The following VCL variants were observed in gnomAD, a reference collection of about 807,000 sequenced individuals.
VCL encodes vinculin, also known as epididymis luminal protein 114.
VCL carries 47 observed loss-of-function variants against 125.7 expected under a neutral mutation model. The ratio of observed to expected loss-of-function variants is 0.37; its 90% CI spans 0.30 to 0.48. The LOEUF is 0.48. Among genes scored for constraint, VCL ranks in the 20% least tolerant of loss-of-function variants. The pLI, the probability that VCL is intolerant of heterozygous loss-of-function variation, is 0.99. For synonymous variants in VCL, 458 were observed against 514.6 expected, an observed-to-expected ratio of 0.89 and a Z score of 1.49; for missense variants, 1,069 against 1,455.5, an observed-to-expected ratio of 0.73 and a Z score of 4.32.
In VCL at chr10:74,112,044, C is replaced by G. The variant is rs1316850168; in HGVS notation, c.2881C>G (p.Pro961Ala). 2 of 1,614,222 alleles carry G rather than the reference C, an allele frequency of 1.2e-6. No homozygotes were observed. The highest frequency in any genetic ancestry group is 2.2e-5 in the South Asian group (2 of 91,084). ...PELLLMPSNQ[P>A]VNQPILAAAQ... ...GCTGCTGTTAATGCCATCCAATCAG[C>G]CGGTCAACCAGCCCATTCTGGCCGC... The change falls in exon 19 of 22, where the codon CCG becomes GCG. Residue 961 changes from proline to alanine, a missense_variant. Physicochemically the swap from Pro to Ala is conservative, Grantham distance 27 (BLOSUM62 -1). Around this residue, in one of 6 missense-constraint regions of VCL, gnomAD observed 86 missense variants for 91.0 expected, o/e 0.95. Transcript: ENST00000211998.
intron 11 of VCL, among the ~76,000 whole-genome samples, chr10:74,095,402 G>C (rs1839951835): frequency 6.6e-6 from 1 of 152,094 alleles, no homozygotes; most frequent in Non-Finnish European, 1.5e-5. Context: ...ACCAGCCTGG[G>C]CAACATAGTG....
At chr10:74,014,400 T>A (rs1293521235) in intron 1 of VCL, among the ~76,000 whole-genome samples, 1 of 151,706 alleles carries the variant, frequency 6.6e-6, no homozygotes, top group Non-Finnish European at 1.5e-5. Flanking sequence ...CCTGGCTAAT[T>A]TTTTTTGTAT....
At chr10:74,075,505 G>C (rs186216538) in intron 6 of VCL, 1 of 154,032 alleles carries the variant, frequency 6.5e-6, no homozygotes, top group East Asian at 1.9e-4. Flanking sequence ...ATTCCTTCTA[G>C]AGCCTGTTAG....
chr10:74,052,592 G>A (rs1841322745), intron 2 of VCL, among the ~76,000 whole-genome samples: 2 of 151,972 alleles, frequency 1.3e-5, no homozygotes, highest in Non-Finnish European at 2.9e-5. Flanking sequence ...GCCCAGGGTG[G>A]TCTCAAACTC....
chr10:74,009,008 G>C (rs1321771922), intron 1 of VCL, among the ~76,000 whole-genome samples: 1 of 151,930 alleles, frequency 6.6e-6, no homozygotes, highest in African/African-American at 2.4e-5. Context: ...GTTAGCTTTT[G>C]GGGGGGAAAA....
At chr10:74,063,763 G>A (rs1471841092) in intron 2 of VCL, 1 of 152,182 alleles carries the variant, frequency 6.6e-6, no homozygotes, top group Admixed American at 6.5e-5. Flanking sequence ...AAATACAAGA[G>A]GGAATGATGA....
intron 6 of VCL, among the ~76,000 whole-genome samples, chr10:74,078,342 A>C (rs887081353): frequency 6.6e-6 from 1 of 152,168 alleles, no homozygotes; most frequent in Non-Finnish European, 1.5e-5. Flanking sequence ...AAGGCAGGAA[A>C]TGTTGGTTAG....
intron 2 of VCL, among the ~76,000 whole-genome samples, chr10:74,049,238 GTTA>G (rs1841253676): frequency 1.3e-5 from 2 of 151,860 alleles, no homozygotes; most frequent in Admixed American, 1.3e-4. Context: ...TAATATGCTT[GTTA>G]TTATGTTTTC....
intron 11 of VCL, among the ~76,000 whole-genome samples, chr10:74,095,350 G>C (rs890386524): frequency 6.6e-6 from 1 of 152,142 alleles, no homozygotes; most frequent in Non-Finnish European, 1.5e-5. Context: ...CAGCACTTTG[G>C]GAGGCCGAGG....
In VCL at chr10:74,083,180, G is replaced by A. The variant is rs185069712; in HGVS notation, c.875-186G>A. Among the ~76,000 whole-genome samples the A allele has an allele frequency of 4.0e-3, 611 of 152,214 alleles. 6 individuals carry two copies. The highest frequency in any genetic ancestry group is 0.014 in the African/African-American group (584 of 41,554). ...TCCAAGTATCTTTTTTTGCGTGTCT[G>A]TTGTTGAAACCTCACCCTATGGTTT... is the stretch of plus-strand genomic sequence containing the variant. On this transcript the variant is annotated intron_variant, in intron 7 of 21. Coordinates refer to ENST00000211998, the MANE Select transcript of VCL (RefSeq NM_014000.3).
intron 7 of VCL, 71 bp downstream of exon 7, chr10:74,082,615 A>T (rs1450409929): frequency 2.7e-6 from 4 of 1,504,218 alleles, no homozygotes; most frequent in Non-Finnish European, 1.8e-6. Context: ...AAAGAAAGAA[A>T]TTTTCCCATA....
intron 1 of VCL, among the ~76,000 whole-genome samples, chr10:74,040,384 C>G (rs1216046009): frequency 6.6e-6 from 1 of 152,196 alleles, no homozygotes; most frequent in Non-Finnish European, 1.5e-5. Context: ...ATAAGAGGAA[C>G]TCACCTAGTT....
In VCL at chr10:74,097,467, A is replaced by G. The variant is rs1839989257; in HGVS notation, c.1872+135A>G. ...GAAGGGTGGAAGAGCAGAACAGGGA[A>G]AGCCCTACCACCTCTACTTTTAGTC... is the stretch of plus-strand genomic sequence containing the variant. On this transcript the variant is annotated intron_variant, in intron 13 of 21. Coordinates refer to ENST00000211998, the MANE Select transcript of VCL (RefSeq NM_014000.3). The surrounding 1 kb of genome is among the most constrained non-coding windows in gnomAD (Gnocchi z 4.1). 1 of 1,310,206 alleles carries G rather than the reference A, an allele frequency of 7.6e-7. No homozygotes were observed. The highest frequency in any genetic ancestry group is 1.5e-5 in the African/African-American group (1 of 68,820). The allele number at this position is 1,310,206 out of a possible 1,614,324, so 81.2% of individuals were successfully genotyped here. A position where few individuals can be genotyped will look rare whatever the true frequency, so the allele number is the denominator to read the frequency against.
At position 74,052,030 on chromosome 10, in the gene VCL, G is replaced by A. The variant is rs971551660; in HGVS notation, c.239+8877G>A. On this transcript the variant is annotated intron_variant, in intron 2 of 21. Transcript: ENST00000211998. ...CCACTTTTAATTATATTCTAATTAA[G>A]GGGTGATTTGTGCAGAAATTTCTAG... 6.4e-4 allele frequency among the ~76,000 whole-genome samples: 97 copies of A among 152,278 alleles called. 1 individual carries two copies. In the Middle Eastern group the frequency reaches 0.02, roughly 32 times the overall value.
rs767694507 is a variant in VCL at position 74,074,908 on chromosome 10, G to A, written c.783+5G>A. ...GAAGATGCCTGGGCCAGCAAGGTAC[G>A]TGTTCTTAGTGGAGAAATAAGCAAA... On this transcript the variant is annotated splice_donor_5th_base_variant and intron_variant, in intron 6 of 21. Coordinates refer to ENST00000211998, the MANE Select transcript of VCL (RefSeq NM_014000.3). 9.9e-6 allele frequency: 16 copies of A among 1,614,024 alleles called. No individual in the cohort carries two copies. Among genetic ancestry groups the A allele is most frequent in the East Asian group, 4.5e-5 (2 of 44,882 alleles).
At chr10:74,042,738 CA>C (rs1382578276) in intron 1 of VCL, among the ~76,000 whole-genome samples, 1 of 152,088 alleles carries the variant, frequency 6.6e-6, no homozygotes, top group Non-Finnish European at 1.5e-5. Context: ...TCATGTACTT[CA>C]TGTAACATTT....
At chr10:74,087,791 C>G (rs921269903) in intron 8 of VCL, among the ~76,000 whole-genome samples, 1 of 151,918 alleles carries the variant, frequency 6.6e-6, no homozygotes, top group Non-Finnish European at 1.5e-5. Context: ...GCCTGGCCAA[C>G]AGTGTGAAAC....
chr10:74,070,930 T>C (rs770982226), intron 3 of VCL, 45 bp from the exon 4 acceptor site: 4 of 1,612,178 alleles, frequency 2.5e-6, no homozygotes, highest in South Asian at 1.1e-5. Flanking sequence ...CCGTGTTTGC[T>C]AGTTGTCCAC....
intron 19 of VCL, among the ~76,000 whole-genome samples, chr10:74,113,574 A>G (rs1316328928): frequency 7.6e-6 from 1 of 131,586 alleles, no homozygotes; most frequent in Admixed American, 8.2e-5. Flanking sequence ...AGATCAGAAA[A>G]TATCTTTTTT....
Sources: allele counts gnomAD v4.1 joint callset (sites outside exome capture counted in the v4.1 genomes callset), GRCh38; gene constraint gnomAD v4.1.1; regional missense constraint gnomAD v4.1.1; non-coding constraint Gnocchi (gnomAD v3.1); transcripts MANE v1.5; gene names NCBI Gene and HGNC (gene_info 2026-07-23, HGNC 2026-07-21).